CFAP184: variants seen among roughly 807,000 people sequenced by gnomAD.
CFAP184 encodes cilia and flagella associated protein 184.
the CFAP184 span, chr4:7,042,822 T>C: frequency 6.4e-7 from 1 of 1,569,412 alleles, no homozygotes; most frequent in South Asian, 1.2e-5. Context: ...GCTCCCCGGG[T>C]TCGGGAGAGG....
chr4:7,041,440 C>T, the CFAP184 span: 3 of 1,614,256 alleles, frequency 1.9e-6, no homozygotes. Flanking sequence ...GCCTAGAAGG[C>T]CGCACTTCTG....
chr4:7,042,300 G>A, the CFAP184 span: 2 of 1,592,810 alleles, frequency 1.3e-6, no homozygotes, highest in Non-Finnish European at 1.7e-6. Flanking sequence ...GGACCTCCTC[G>A]GACCACTCGA....
At chr4:7,042,765 C>A in the CFAP184 span, 1 of 1,536,602 alleles carries the variant, frequency 6.5e-7, no homozygotes, top group Non-Finnish European at 8.7e-7. Context: ...CGGTGCCTCC[C>A]TGCGAAGCCG....
chr4:7,042,068 G>A, the CFAP184 span: 1,505 of 1,610,652 alleles, frequency 9.3e-4, 14 homozygotes, highest in African/African-American at 0.018. Context: ...AGCTCCTCCA[G>A]CATGCCCAGA....
the CFAP184 span, chr4:7,041,210 A>T: frequency 1.3e-6 from 2 of 1,508,434 alleles, no homozygotes; most frequent in Admixed American, 4.5e-5. Flanking sequence ...CGAAGGTAAA[A>T]TAAAGCAGGA....
the CFAP184 span, chr4:7,041,309 G>C: frequency 6.2e-7 from 1 of 1,609,856 alleles, no homozygotes; most frequent in Non-Finnish European, 8.5e-7. Context: ...CTGATCTTCT[G>C]CCTCACGCCT....
At chr4:7,042,858 C>G in the CFAP184 span, 4 of 1,572,988 alleles carry the variant, frequency 2.5e-6, no homozygotes, top group South Asian at 3.4e-5. Context: ...TGGCCTTGAT[C>G]TTGGACGGCC....
chr4:7,042,185 T>G, the CFAP184 span: 1 of 1,600,436 alleles, frequency 6.2e-7, no homozygotes, highest in East Asian at 2.2e-5. Context: ...TCGAAGATCT[T>G]GTGCTGCAGG....
At chr4:7,041,936 T>G in the CFAP184 span, 5 of 1,612,898 alleles carry the variant, frequency 3.1e-6, no homozygotes, top group Non-Finnish European at 4.2e-6. Context: ...ACCACCTGCT[T>G]CTTGAGTGCC....
At chr4:7,041,298 C>T in the CFAP184 span, 1 of 1,606,268 alleles carries the variant, frequency 6.2e-7, no homozygotes, top group East Asian at 2.2e-5. Flanking sequence ...CTTTGGCCTC[C>T]CTGATCTTCT....
the CFAP184 span, chr4:7,042,573 C>A: frequency 6.4e-7 from 1 of 1,559,074 alleles, no homozygotes. Context: ...CCCCCGCCTC[C>A]GCCTCTAGTT....
chr4:7,041,568 G>T, the CFAP184 span: 3 of 1,614,248 alleles, frequency 1.9e-6, no homozygotes, highest in Non-Finnish European at 2.5e-6. Context: ...TTTTGCACGC[G>T]TTCTCCATGT....
the CFAP184 span, chr4:7,041,331 A>C: frequency 1.2e-6 from 2 of 1,614,010 alleles, no homozygotes; most frequent in Non-Finnish European, 1.7e-6. Flanking sequence ...TGCAGGACAA[A>C]GTGAGGCTAG....
At chr4:7,041,609 T>C in the CFAP184 span, 1 of 1,614,230 alleles carries the variant, frequency 6.2e-7, no homozygotes, top group Non-Finnish European at 8.5e-7. Context: ...TTCACGTGGG[T>C]TATTACTTGC....
At chr4:7,041,315 C>A in the CFAP184 span, 3 of 1,612,056 alleles carry the variant, frequency 1.9e-6, no homozygotes, top group East Asian at 2.2e-5. Context: ...TTCTGCCTCA[C>A]GCCTCTGCAG....
the CFAP184 span, chr4:7,041,402 C>T: frequency 6.2e-7 from 1 of 1,614,248 alleles, no homozygotes; most frequent in South Asian, 1.1e-5. Context: ...TCCACCTTTT[C>T]TTCCAAGTCC....
the CFAP184 span, chr4:7,042,166 C>A: frequency 6.3e-7 from 1 of 1,598,156 alleles, no homozygotes; most frequent in Non-Finnish European, 8.5e-7. Context: ...CTTCTTTCTG[C>A]GCAGCGCCTC....
chr4:7,042,552 C>T, the CFAP184 span: 5 of 1,575,168 alleles, frequency 3.2e-6, no homozygotes, highest in South Asian at 5.6e-5. Context: ...CCGCCTGCTC[C>T]AGTTCCTCCG....
the CFAP184 span, chr4:7,041,902 C>T: frequency 3.7e-6 from 6 of 1,612,440 alleles, no homozygotes; most frequent in Non-Finnish European, 5.1e-6. Flanking sequence ...GCCCCTCATC[C>T]GACAGCTGCC....
Sources: allele counts gnomAD v4.1 joint callset, GRCh38; gene constraint gnomAD v4.1.1; transcripts MANE v1.5; gene names NCBI Gene and HGNC (gene_info 2026-07-23, HGNC 2026-07-21).